Variants in ERP44 observed in about 807,000 individuals in gnomAD.
The protein encoded by ERP44 is endoplasmic reticulum protein 44.
Under a neutral mutation model 53.4 loss-of-function variants are expected in ERP44, and 25 were observed. That is an observed-to-expected ratio of 0.47 (90% CI 0.34 to 0.65). The LOEUF is 0.65. Among genes scored for constraint, ERP44 ranks in the 30% least tolerant of loss-of-function variants. ERP44 has a pLI of 0.01. For missense variants in ERP44, 338 were observed against 493.2 expected, an observed-to-expected ratio of 0.69 and a Z score of 2.98; for synonymous variants, 145 against 161.2, an observed-to-expected ratio of 0.90 and a Z score of 0.76.
At chr9:99,990,865 C>CAGAGCAGAAATGAAGGAGATAGAGA (rs1830246003) in intron 10 of ERP44, among the ~76,000 whole-genome samples, 1 of 152,084 alleles carries the variant, frequency 6.6e-6, no homozygotes, top group African/African-American at 2.4e-5. Flanking sequence ...GGGTTGCAAT[C>CAGAGCAGAAATGAAGGAGATAGAGA]CTAATCTCTG....
intron 4 of ERP44, among the ~76,000 whole-genome samples, chr9:100,025,600 AAG>A (rs1830642871): frequency 6.6e-6 from 1 of 152,192 alleles, no homozygotes; most frequent in South Asian, 2.1e-4. Flanking sequence ...GCAAACTAGG[AAG>A]AGAACTTCCT....
In ERP44 at chr9:100,079,280, T is replaced by G. The variant is rs779596630; in HGVS notation, c.58-19108A>C. ...TCCTTCTCCAGTGCTGGATGCTTCC[T>G]GTCCTCAAACATCAGACTCCAAGTA... On this transcript the variant is annotated intron_variant, in intron 1 of 11. Transcript: ENST00000262455. Among the ~76,000 whole-genome samples the G allele has an allele frequency of 1.4e-4, 22 of 152,332 alleles. No homozygotes were observed. In the Middle Eastern group the frequency reaches 0.01, roughly 71 times the overall value.
intron 10 of ERP44, among the ~76,000 whole-genome samples, chr9:99,990,967 T>C (rs1200092540): frequency 6.6e-5 from 10 of 152,228 alleles, no homozygotes; most frequent in Admixed American, 6.5e-4. Context: ...AAGAGCTAAC[T>C]ATCCTAAATA....
chr9:100,089,580 CAAAA>C (rs71498726), intron 1 of ERP44, among the ~76,000 whole-genome samples: 1 of 43,524 alleles, frequency 2.3e-5, no homozygotes, highest in South Asian at 9.9e-4. Context: ...GACTCCATCT[CAAAA>C]AAAAAAAAAA....
chr9:100,001,723 A>G (rs1280637935), intron 10 of ERP44, among the ~76,000 whole-genome samples: 2 of 152,218 alleles, frequency 1.3e-5, no homozygotes, highest in African/African-American at 2.4e-5. Flanking sequence ...GGTGAAGCGA[A>G]TCTCTTGTAG....
intron 1 of ERP44, among the ~76,000 whole-genome samples, chr9:100,080,717 A>G (rs1393318652): frequency 6.6e-6 from 1 of 152,180 alleles, no homozygotes; most frequent in African/African-American, 2.4e-5. Context: ...AATCCTGGCT[A>G]TGGAAGTTCA....
intron 1 of ERP44, among the ~76,000 whole-genome samples, chr9:100,063,092 A>AAGAG (rs1554709799): frequency 3.4e-5 from 5 of 145,284 alleles, no homozygotes; most frequent in South Asian, 2.2e-4. Flanking sequence ...AAAAAAAAAA[A>AAGAG]AGAGAGAGAG....
chr9:99,999,488 T>C (rs1455587882), intron 10 of ERP44, among the ~76,000 whole-genome samples: 9 of 152,222 alleles, frequency 5.9e-5, no homozygotes. Context: ...GTGTCTTATT[T>C]TGAGAAATGT....
At chr9:100,069,790 A>G (rs1378079185) in intron 1 of ERP44, among the ~76,000 whole-genome samples, 2 of 152,220 alleles carry the variant, frequency 1.3e-5, no homozygotes, top group Non-Finnish European at 2.9e-5. Flanking sequence ...ACAATCATGG[A>G]CAAATAAAAA....
At chr9:100,080,922 T>C (rs1042906660) in intron 1 of ERP44, among the ~76,000 whole-genome samples, 1 of 151,904 alleles carries the variant, frequency 6.6e-6, no homozygotes, top group Non-Finnish European at 1.5e-5. Flanking sequence ...GATTTAATTA[T>C]AGTGATTACC....
At chr9:100,084,362 T>C (rs936742552) in intron 1 of ERP44, among the ~76,000 whole-genome samples, 32 of 152,232 alleles carry the variant, frequency 2.1e-4, no homozygotes, top group African/African-American at 7.5e-4. Context: ...TCTGGACTTA[T>C]GCACAAGGGC....
chr9:100,093,643 T>TG lies in ERP44; in HGVS notation c.57+5140dup, dbSNP rs1554711458. ...GGGCTACACAGCAAGACCCTGTCTG[T>TG]GGGGGGGGAAAAAAAAAGAACTGTG... On this transcript the variant is annotated intron_variant, in intron 1 of 11. Transcript: ENST00000262455. Among the ~76,000 whole-genome samples, 1,055 of 150,582 alleles carry TG rather than the reference T, an allele frequency of 7.0e-3. 8 individuals carry two copies. Among genetic ancestry groups the TG allele is most frequent in the African/African-American group, 0.011 (436 of 40,858 alleles).
chr9:100,057,282 G>A (rs1826096105), intron 3 of ERP44, among the ~76,000 whole-genome samples: 1 of 152,084 alleles, frequency 6.6e-6, no homozygotes, highest in Non-Finnish European at 1.5e-5. Flanking sequence ...ATACCATGTT[G>A]TTCTAGATGC....
rs1361921235 is a variant in ERP44 at position 99,998,474 on chromosome 9, C to T, written c.1016+8032G>A. 58 of 704,150 alleles carry T rather than the reference C, an allele frequency of 8.2e-5. 1 individual carries two copies. The South Asian group carries it at 8.8e-4, about 11-fold the overall frequency. 43.6% of individuals were successfully genotyped at this position (704,150 alleles called of 1,614,324 possible). A position where few individuals can be genotyped will look rare whatever the true frequency, so the allele number is the denominator to read the frequency against. On this transcript the variant is annotated intron_variant, in intron 10 of 11. Coordinates refer to ENST00000262455, the MANE Select transcript of ERP44 (RefSeq NM_015051.3). The stretch of plus-strand genomic sequence containing the variant: ...ACCGTCATCACACCTCTGCACTCTT[C>T]CTGGTCTCTCCACGGCCTCCCTCGG...
chr9:100,060,264 T>G (rs1826130810), intron 1 of ERP44, 92 bp from the exon 2 acceptor site: 2 of 1,239,324 alleles, frequency 1.6e-6, no homozygotes, highest in Non-Finnish European at 2.1e-6. Context: ...TGATTCCACT[T>G]GTTCCTTAGA....
At chr9:99,983,997 G>T (rs1830174066) in intron 11 of ERP44, among the ~76,000 whole-genome samples, 1 of 152,132 alleles carries the variant, frequency 6.6e-6, no homozygotes, top group African/African-American at 2.4e-5. Context: ...AAAATACTAT[G>T]CAGGCCTTCT....
intron 1 of ERP44, among the ~76,000 whole-genome samples, chr9:100,068,387 G>C (rs1826253964): frequency 7.9e-6 from 1 of 126,806 alleles, no homozygotes; most frequent in South Asian, 3.2e-4. Context: ...AGGTGGGGGG[G>C]TCAGCCCCCT....
intron 8 of ERP44, among the ~76,000 whole-genome samples, chr9:100,015,559 A>G (rs1830518325): frequency 6.6e-6 from 1 of 152,224 alleles, no homozygotes. Flanking sequence ...ACCTGCTTTC[A>G]TTATTTATAA....
intron 1 of ERP44, among the ~76,000 whole-genome samples, chr9:100,087,191 G>A (rs569777430): frequency 6.6e-6 from 1 of 151,704 alleles, no homozygotes; most frequent in Admixed American, 6.6e-5. Flanking sequence ...CCCTCCATAA[G>A]CTTTTTTCAA....
Sources: gnomAD v4.1 joint callset for allele counts (sites outside exome capture counted in the v4.1 genomes callset) on GRCh38, gnomAD v4.1.1 for gene constraint, MANE v1.5 for transcripts, NCBI Gene and HGNC (gene_info 2026-07-23, HGNC 2026-07-21) for gene names.